The following SENP2 variants were observed in gnomAD, a reference collection of about 807,000 sequenced individuals.
The protein encoded by SENP2 is sentrin-specific protease 2.
In SENP2, 16 loss-of-function variants were observed where a neutral mutation model predicts 86.3. That is an observed-to-expected ratio of 0.19 (90% CI 0.13 to 0.28). The LOEUF is 0.28. SENP2 is among the 10% of genes least tolerant of loss of function. SENP2 has a pLI of 1.00. For synonymous variants in SENP2, 222 were observed against 238.7 expected (o/e 0.93, Z 0.64); for missense variants, 552 against 703.0 (o/e 0.79, Z 2.43).
intron 2 of SENP2, among the ~76,000 whole-genome samples, chr3:185,590,959 C>T (rs1721973343): frequency 9.9e-6 from 1 of 101,332 alleles, no homozygotes; most frequent in Non-Finnish European, 1.8e-5. Flanking sequence ...GGCTGGAGTG[C>T]AGTGGCGCAA....
At chr3:185,614,856 A>C in intron 11 of SENP2, 116 bp downstream of exon 11, 2 of 912,828 alleles carry the variant, frequency 2.2e-6, no homozygotes, top group Non-Finnish European at 3.3e-6. Flanking sequence ...ATATATGAAA[A>C]CATGTCAGGT....
In SENP2 at chr3:185,614,643, T is replaced by C; in HGVS notation, c.1013T>C (p.Leu338Ser). 2 of 1,614,240 alleles carry C rather than the reference T, an allele frequency of 1.2e-6. No individual in the cohort carries two copies. Among genetic ancestry groups the C allele is most frequent in the Non-Finnish European group, 1.7e-6 (2 of 1,180,038 alleles). ...CGCCTGGGCAGTGGAAGCAATGGCT[T>C]ACTCAGGAGGAAAGTGTCAATAATT... ...RLRLGSGSNG[L>S]LRRKVSIIET... is the part of the protein sequence containing the mutation. Residue 338 changes from leucine (L) to serine (S), a missense_variant, in exon 11 of 17, where the codon TTA (leucine) becomes TCA (serine). Physicochemically the swap from Leu to Ser is moderately radical, Grantham distance 145. This residue lies in a region of SENP2 where 383 missense variants were observed against 427.3 expected (regional missense o/e 0.90). Transcript: ENST00000296257.
intron 6 of SENP2, 75 bp from the exon 7 acceptor site, chr3:185,609,172 C>T: frequency 1.1e-6 from 1 of 938,600 alleles, no homozygotes; most frequent in Non-Finnish European, 1.7e-6. Flanking sequence ...TAAAACACAC[C>T]TATGGTTTAC....
At chr3:185,616,769 C>T (rs898844491) in intron 11 of SENP2, among the ~76,000 whole-genome samples, 21 of 110,646 alleles carry the variant, frequency 1.9e-4, no homozygotes, top group Middle Eastern at 4.4e-3. Context: ...AGCGAGACTC[C>T]GTCTCCAAAA....
chr3:185,616,127 C>A (rs1300480733), intron 11 of SENP2, among the ~76,000 whole-genome samples: 1 of 144,676 alleles, frequency 6.9e-6, no homozygotes, highest in Non-Finnish European at 1.5e-5. Flanking sequence ...TCCCAAAGTG[C>A]TGGGATTACA....
At position 185,609,336 on chromosome 3, in the gene SENP2, T is replaced by G; in HGVS notation, c.708T>G (p.Thr236=). The change falls in exon 7 of 17, where the codon ACT becomes ACG. Residue 236 remains threonine (T), a synonymous_variant. Coordinates refer to ENST00000296257, the MANE Select transcript of SENP2 (RefSeq NM_021627.3). ...ATGGAAACTCTGTCTGTCCTGTAAC[T>G]TCAAATTATCACAGGTGACAGTGAG... ...SGHGNSVCPV[T]SNYHSSQRSQ... 1 of 1,610,990 alleles carries G rather than the reference T, an allele frequency of 6.2e-7. No individual in the cohort carries two copies. Among genetic ancestry groups the G allele is most frequent in the Non-Finnish European group, 8.5e-7 (1 of 1,177,386 alleles).
At chr3:185,594,165 TAA>T (rs1342038449) in intron 2 of SENP2, among the ~76,000 whole-genome samples, 2 of 147,636 alleles carry the variant, frequency 1.4e-5, no homozygotes, top group South Asian at 2.1e-4. Flanking sequence ...TGGATGTGGT[TAA>T]AAAAAAAAAA....
At chr3:185,621,550 C>T (rs1711891115) in intron 13 of SENP2, among the ~76,000 whole-genome samples, 2 of 151,492 alleles carry the variant, frequency 1.3e-5, no homozygotes, top group African/African-American at 4.8e-5. Context: ...CCATCATGCC[C>T]GACTAATTTT....
chr3:185,606,487 A>C lies in SENP2; in HGVS notation c.607A>C (p.Thr203Pro), dbSNP rs1310588633. The C allele has an allele frequency of 7.5e-6, 12 of 1,592,426 alleles. No homozygotes were observed. Among genetic ancestry groups the C allele is most frequent in the African/African-American group, 1.4e-5 (1 of 73,542 alleles). Reference sequence around the variant, plus strand: ...CAAGGGTCTGAGGCGTCCCCATTGTACTGTGGAGGAGGTAAGCCTTTTCAG... The same window carrying C: ...CAAGGGTCTGAGGCGTCCCCATTGTCCTGTGGAGGAGGTAAGCCTTTTCAG... ...SGKGLRRPHC[T>P]VEEGVQKEER... Residue 203 changes from threonine (T) to proline (P), a missense_variant, in exon 6 of 17, where the codon ACT becomes CCT. Thr to Pro is a conservative substitution (Grantham distance 38, BLOSUM62 -1). Coordinates refer to ENST00000296257, the MANE Select transcript of SENP2 (RefSeq NM_021627.3).
intron 11 of SENP2, among the ~76,000 whole-genome samples, 165 bp from the exon 12 acceptor site, chr3:185,617,314 AG>A (rs1711656032): frequency 6.6e-6 from 1 of 152,218 alleles, no homozygotes; most frequent in African/African-American, 2.4e-5. Flanking sequence ...ACTAAAAATA[AG>A]AAAAAAATGT....
intron 5 of SENP2, among the ~76,000 whole-genome samples, chr3:185,601,918 G>A (rs1315697367): frequency 1.3e-5 from 2 of 152,128 alleles, no homozygotes; most frequent in African/African-American, 2.4e-5. Flanking sequence ...GATTACAGGC[G>A]TGAGCCACTG....
rs529217167 is a variant in SENP2, at chr3:185,619,193, CTCT to C, written c.1243-101_1243-99del. ...TTCTACTATAGACAGTCTTTTTATC[CTCT>C]TCTTTAGTACCTTACCTTCGAATTC... is the stretch of plus-strand genomic sequence containing the variant. On this transcript the variant is annotated intron_variant, in intron 12 of 16. Coordinates refer to ENST00000296257, the MANE Select transcript of SENP2 (RefSeq NM_021627.3). 171 of 797,330 alleles carry C rather than the reference CTCT, an allele frequency of 2.1e-4. 2 individuals carry two copies. In the East Asian group the frequency reaches 4.3e-3, roughly 20 times the overall value. 49.4% of individuals were successfully genotyped at this position (797,330 alleles called of 1,614,324 possible).
chr3:185,610,710 C>A (rs1722659221), intron 7 of SENP2, among the ~76,000 whole-genome samples: 1 of 152,140 alleles, frequency 6.6e-6, no homozygotes, highest in Non-Finnish European at 1.5e-5. Flanking sequence ...GTAATCCCAG[C>A]ACTTTGGGAG....
chr3:185,590,322 CG>C (rs1278842203), intron 2 of SENP2, among the ~76,000 whole-genome samples, 153 bp downstream of exon 2: 1 of 152,066 alleles, frequency 6.6e-6, no homozygotes, highest in Non-Finnish European at 1.5e-5. Flanking sequence ...CCAAGGCAGG[CG>C]GATCACCTGA....
chr3:185,599,072 A>AT, intron 4 of SENP2, 48 bp downstream of exon 4: 8 of 1,351,276 alleles, frequency 5.9e-6, no homozygotes, highest in Admixed American at 1.8e-5. Context: ...CCTTCTGCCC[A>AT]TTTTTTTCCT....
chr3:185,600,011 G>A (rs12374078), intron 4 of SENP2, among the ~76,000 whole-genome samples: 12,806 of 152,062 alleles, frequency 0.084, 861 homozygotes, highest in South Asian at 0.34. Flanking sequence ...TGGTCAGGCT[G>A]GTCTTGAACT....
In SENP2 at chr3:185,586,465, C is replaced by T. The variant is rs1305006731; in HGVS notation, c.52C>T (p.Arg18Trp). ...ILGTIFRFCD[R>W]SVPPARALLK... ...CGGCACCATTTTCCGTTTCTGCGAC[C>T]GGTCGGTGCCCCCTGCCCGGGCCCT... Residue 18 changes from arginine (R) to tryptophan (W), a missense_variant, in exon 1 of 17, where the codon CGG becomes TGG. Transcript: ENST00000296257. This position sits in a 1 kb window ranked among gnomAD's most constrained non-coding sequence, Gnocchi z 4.3. 1.4e-5 allele frequency: 22 copies of T among 1,613,880 alleles called. No individual in the cohort carries two copies. The highest frequency in any genetic ancestry group is 1.6e-4 in the Middle Eastern group (1 of 6,084).
intron 2 of SENP2, among the ~76,000 whole-genome samples, chr3:185,592,837 A>C (rs1234314964): frequency 5.9e-4 from 90 of 152,044 alleles, no homozygotes; most frequent in Non-Finnish European, 1.1e-3. Context: ...GGCTGGTCTC[A>C]AGCTCCTGAC....
In SENP2 at chr3:185,593,185, G is replaced by T. The variant is rs1241991628; in HGVS notation, c.157+3016G>T. ...ATTCTAGGCAGAGGGAATAGTATGG[G>T]AAAGTTGTGTAAATTCAAGAAATAG... On this transcript the variant is annotated intron_variant, in intron 2 of 16. Transcript: ENST00000296257. Among the ~76,000 whole-genome samples, 3 of 152,124 alleles carry T rather than the reference G, an allele frequency of 2.0e-5. No individual in the cohort carries two copies. In the South Asian group the frequency reaches 6.2e-4, roughly 31 times the overall value.
Sources: gnomAD v4.1 joint callset for allele counts (sites outside exome capture counted in the v4.1 genomes callset) on GRCh38, gnomAD v4.1.1 for gene constraint, gnomAD v4.1.1 regional missense constraint, Gnocchi (gnomAD v3.1) non-coding constraint, MANE v1.5 for transcripts, NCBI Gene and HGNC (gene_info 2026-07-23, HGNC 2026-07-21) for gene names.